SEMA3D: variants seen among roughly 807,000 people sequenced by gnomAD.
SEMA3D encodes semaphorin-3D.
A neutral mutation model predicts 100.1 loss-of-function variants in SEMA3D; 84 were observed. The observed-to-expected ratio is 0.84, with a 90% CI of 0.70 to 1.01. SEMA3D has a LOEUF of 1.01. Ranked by LOEUF, SEMA3D falls within the 50% of genes least tolerant of loss-of-function variation. The pLI, the probability that SEMA3D is intolerant of heterozygous loss-of-function variation, is 0.00. For synonymous variants in SEMA3D, 312 were observed against 320.7 expected (o/e 0.97, Z 0.29); for missense variants, 875 against 934.1 (o/e 0.94, Z 0.82).
intron 3 of SEMA3D, among the ~76,000 whole-genome samples, chr7:85,108,708 T>G (rs1488811517): frequency 6.6e-6 from 1 of 152,036 alleles, no homozygotes; most frequent in Non-Finnish European, 1.5e-5. Flanking sequence ...CTAGAATTTC[T>G]CTCAAACCTT....
At chr7:85,028,072 T>C in intron 12 of SEMA3D, 1 of 607,822 alleles carries the variant, frequency 1.6e-6, no homozygotes, top group South Asian at 1.6e-5. Flanking sequence ...GATGATGCCA[T>C]TGTCCAGTTT....
At chr7:85,072,459 G>T (rs894299292) in intron 6 of SEMA3D, among the ~76,000 whole-genome samples, 1 of 152,030 alleles carries the variant, frequency 6.6e-6, no homozygotes, top group Non-Finnish European at 1.5e-5. Context: ...TATGGAAAAT[G>T]AATTTTTACC....
At position 85,036,939 on chromosome 7, in the gene SEMA3D, G is replaced by A; in HGVS notation, c.1141C>T (p.His381Tyr). The A allele has an allele frequency of 1.2e-6, 2 of 1,613,258 alleles. No homozygotes were observed. Among genetic ancestry groups the A allele is most frequent in the Non-Finnish European group, 1.7e-6 (2 of 1,179,456 alleles). Residue 381 changes from histidine (H) to tyrosine (Y), a missense_variant, in exon 12 of 19, where the codon CAT becomes TAT. Physicochemically the swap from His to Tyr is moderately conservative, Grantham distance 83 (BLOSUM62 2). Transcript: ENST00000284136. ...CTCCCATCATACTGCACCCAACGAT[G>A]GTCTGCACTTTCCTTATGAGCATAT... is the stretch of plus-strand genomic sequence containing the variant. Reference protein sequence around the residue: ...GPYAHKESADHRWVQYDGRIP... With the variant: ...GPYAHKESADYRWVQYDGRIP...
At chr7:85,177,960 C>T (rs1241687244) in intron 1 of SEMA3D, among the ~76,000 whole-genome samples, 2 of 152,104 alleles carry the variant, frequency 1.3e-5, no homozygotes, top group South Asian at 4.1e-4. Flanking sequence ...GTCATGAGGG[C>T]AGTTCCCCCA....
chr7:85,227,766 G>A, the SEMA3D span, among the ~76,000 whole-genome samples: 1 of 152,014 alleles, frequency 6.6e-6, no homozygotes, highest in African/African-American at 2.4e-5. Flanking sequence ...TTAGAATTCT[G>A]TGTACTATTT....
intron 2 of SEMA3D, chr7:85,151,553 T>C (rs1203352282): frequency 4.9e-6 from 4 of 819,474 alleles, no homozygotes; most frequent in Admixed American, 6.3e-5. Context: ...TCTATGCTGG[T>C]TAAAATAGAG....
intron 1 of SEMA3D, among the ~76,000 whole-genome samples, chr7:85,168,183 G>A (rs1261322812): frequency 6.6e-6 from 1 of 151,678 alleles, no homozygotes; most frequent in Non-Finnish European, 1.5e-5. Context: ...GTGGAAAATG[G>A]CCCATCTCTA....
At chr7:85,247,416 A>T in the SEMA3D span, among the ~76,000 whole-genome samples, 1 of 152,150 alleles carries the variant, frequency 6.6e-6, no homozygotes, top group Non-Finnish European at 1.5e-5. Flanking sequence ...GTGGTCTTAG[A>T]GTGAGGAAGA....
intron 3 of SEMA3D, among the ~76,000 whole-genome samples, chr7:85,099,776 T>C (rs1430589889): frequency 6.6e-6 from 1 of 151,980 alleles, no homozygotes; most frequent in African/African-American, 2.4e-5. Context: ...GTTGATGCCA[T>C]ATGATATGGA....
the SEMA3D span, among the ~76,000 whole-genome samples, chr7:85,225,053 TATATATATATA>T: frequency 4.0e-3 from 7 of 1,738 alleles, no homozygotes; most frequent in Non-Finnish European, 6.6e-3. Context: ...TTTTCTTTTA[TATATATATATA>T]TATATATATA....
intron 4 of SEMA3D, among the ~76,000 whole-genome samples, chr7:85,093,569 T>G (rs1188396882): frequency 6.6e-6 from 1 of 152,016 alleles, no homozygotes; most frequent in East Asian, 1.9e-4. Flanking sequence ...TCTGAACATA[T>G]TCATATTATA....
chr7:85,198,844 T>C, the SEMA3D span, among the ~76,000 whole-genome samples: 20 of 150,784 alleles, frequency 1.3e-4, no homozygotes, highest in Non-Finnish European at 2.7e-4. Context: ...TTTTTTTTTT[T>C]CAAGGGTTTT....
At chr7:85,107,653 T>A in intron 3 of SEMA3D, among the ~76,000 whole-genome samples, 1 of 151,964 alleles carries the variant, frequency 6.6e-6, no homozygotes. Flanking sequence ...ATGACTTCAA[T>A]GAAATGATCT....
the SEMA3D span, among the ~76,000 whole-genome samples, chr7:85,209,304 A>G: frequency 6.6e-6 from 1 of 151,942 alleles, no homozygotes; most frequent in African/African-American, 2.4e-5. Context: ...ATATGTGTGT[A>G]TATATGTATA....
chr7:85,164,416 TAGAG>T (rs879441410), intron 1 of SEMA3D, among the ~76,000 whole-genome samples: 40 of 152,248 alleles, frequency 2.6e-4, no homozygotes, highest in Non-Finnish European at 5.1e-4. Flanking sequence ...TCTAAGCAGA[TAGAG>T]AGCATTTTTG....
intron 7 of SEMA3D, among the ~76,000 whole-genome samples, chr7:85,067,600 A>G (rs755253128): frequency 2.6e-4 from 39 of 152,196 alleles, no homozygotes; most frequent in Non-Finnish European, 5.4e-4. Context: ...TCTTGCTGAC[A>G]TTCCTTGGAA....
At chr7:85,110,378 A>G (rs1789059173) in intron 3 of SEMA3D, among the ~76,000 whole-genome samples, 2 of 151,928 alleles carry the variant, frequency 1.3e-5, no homozygotes, top group Non-Finnish European at 2.9e-5. Context: ...AGTTTTTTAA[A>G]TTATCTACTT....
chr7:85,080,206 AT>A (rs759794153), intron 5 of SEMA3D, among the ~76,000 whole-genome samples: 8 of 152,184 alleles, frequency 5.3e-5, no homozygotes, highest in African/African-American at 1.2e-4. Flanking sequence ...AGAAGTCATC[AT>A]TTGAGCAGTA....
intron 5 of SEMA3D, among the ~76,000 whole-genome samples, chr7:85,076,735 C>T (rs938280633): frequency 2.0e-5 from 3 of 152,142 alleles, no homozygotes; most frequent in African/African-American, 7.2e-5. Flanking sequence ...CTCTGAGCTA[C>T]ATGTTAGGCT....
Sources: allele counts gnomAD v4.1 joint callset (sites outside exome capture counted in the v4.1 genomes callset), GRCh38; gene constraint gnomAD v4.1.1; transcripts MANE v1.5; gene names NCBI Gene and HGNC (gene_info 2026-07-23, HGNC 2026-07-21).